Variants in LUZP2 observed in about 807,000 individuals in gnomAD.
LUZP2 encodes the protein leucine zipper protein 2.
A neutral mutation model predicts 51.6 loss-of-function variants in LUZP2; 52 were observed. The ratio of observed to expected loss-of-function variants is 1.01; its 90% CI spans 0.81 to 1.27. The LOEUF (loss-of-function observed/expected upper bound fraction) is 1.27. LUZP2 is among the 50% of genes most tolerant of loss of function. LUZP2 has a pLI of 0.00. For synonymous variants in LUZP2, 154 were observed against 137.3 expected, an observed-to-expected ratio of 1.12 and a Z score of -0.85; for missense variants, 436 against 395.4, an observed-to-expected ratio of 1.10 and a Z score of -0.87.
At chr11:24,554,497 G>T (rs1220389838) in intron 1 of LUZP2, among the ~76,000 whole-genome samples, 3 of 151,846 alleles carry the variant, frequency 2.0e-5, no homozygotes, top group Non-Finnish European at 2.9e-5. Flanking sequence ...TTAATTTTTT[G>T]CCACTTTCAA....
At chr11:25,070,866 C>A (rs997910169) in intron 10 of LUZP2, among the ~76,000 whole-genome samples, 1 of 149,368 alleles carries the variant, frequency 6.7e-6, no homozygotes, top group Non-Finnish European at 1.5e-5. Context: ...AAAAAACTTT[C>A]CTATTGCCCT....
At chr11:24,842,282 T>C (rs893624986) in intron 5 of LUZP2, among the ~76,000 whole-genome samples, 11 of 149,404 alleles carry the variant, frequency 7.4e-5, no homozygotes, top group Non-Finnish European at 1.6e-4. Context: ...ACATAATATA[T>C]AATTTATTAA....
chr11:24,758,801 A>G (rs1859868581), intron 4 of LUZP2, among the ~76,000 whole-genome samples: 1 of 152,064 alleles, frequency 6.6e-6, no homozygotes, highest in African/African-American at 2.4e-5. Context: ...TTGTTTATGC[A>G]CATATGGTGC....
chr11:24,649,716 G>A (rs1855567537), intron 1 of LUZP2, among the ~76,000 whole-genome samples: 1 of 151,896 alleles, frequency 6.6e-6, no homozygotes, highest in Admixed American at 6.6e-5. Flanking sequence ...GCCAGGTGGT[G>A]GGACTGCAAT....
chr11:24,643,384 A>G (rs1434451421), intron 1 of LUZP2, among the ~76,000 whole-genome samples: 2 of 152,108 alleles, frequency 1.3e-5, no homozygotes, highest in African/African-American at 4.8e-5. Context: ...GGATGATTTC[A>G]TGGCTGATTG....
chr11:24,891,593 A>C, intron 5 of LUZP2: 1 of 814,628 alleles, frequency 1.2e-6, no homozygotes, highest in Non-Finnish European at 1.5e-6. Flanking sequence ...GAAGTTCCAG[A>C]CTAATAAAGG....
At chr11:24,920,201 A>T (rs569455897) in intron 7 of LUZP2, among the ~76,000 whole-genome samples, 2 of 152,080 alleles carry the variant, frequency 1.3e-5, no homozygotes, top group East Asian at 1.9e-4. Context: ...ACATTTTGAT[A>T]GTTTTGTGAT....
chr11:24,788,272 C>T (rs1459796786), intron 5 of LUZP2, among the ~76,000 whole-genome samples: 1 of 145,956 alleles, frequency 6.9e-6, no homozygotes, highest in Non-Finnish European at 1.5e-5. Context: ...TCACTGCAAC[C>T]TCTGCCTCCC....
At chr11:24,899,508 T>C (rs1853207006) in intron 5 of LUZP2, among the ~76,000 whole-genome samples, 1 of 152,044 alleles carries the variant, frequency 6.6e-6, no homozygotes, top group Non-Finnish European at 1.5e-5. Flanking sequence ...GAGAAAGATA[T>C]CGCCAGACTA....
intron 6 of LUZP2, among the ~76,000 whole-genome samples, chr11:24,908,953 G>C (rs201686008): frequency 1.3e-5 from 2 of 151,456 alleles, no homozygotes; most frequent in African/African-American, 4.8e-5. Context: ...AGTAGAGACA[G>C]GGTTTCACTG....
At chr11:24,896,405 G>C (rs747100991) in intron 5 of LUZP2, among the ~76,000 whole-genome samples, 1 of 152,180 alleles carries the variant, frequency 6.6e-6, no homozygotes. Context: ...GGCGATGCCA[G>C]CTCCAGGCAG....
intron 1 of LUZP2, among the ~76,000 whole-genome samples, chr11:24,667,513 T>C (rs1432267883): frequency 6.6e-6 from 1 of 152,150 alleles, no homozygotes; most frequent in Non-Finnish European, 1.5e-5. Context: ...GATTTAAATA[T>C]GCAATTTAAA....
At chr11:24,506,496 C>T (rs899349938) in intron 1 of LUZP2, among the ~76,000 whole-genome samples, 3 of 151,956 alleles carry the variant, frequency 2.0e-5, no homozygotes, top group South Asian at 2.1e-4. Context: ...GCTCCTTCTG[C>T]GTGCACACAG....
At chr11:24,785,844 GCTGA>G in intron 5 of LUZP2, 1 of 985,012 alleles carries the variant, frequency 1.0e-6, no homozygotes, top group South Asian at 4.7e-5. Flanking sequence ...AAGAGGCTAT[GCTGA>G]CTCTGGGAAA....
chr11:24,844,714 G>T (rs1851145057), intron 5 of LUZP2, among the ~76,000 whole-genome samples: 1 of 152,234 alleles, frequency 6.6e-6, no homozygotes, highest in South Asian at 2.1e-4. Context: ...GCAGCCAAGG[G>T]ACTTAGTGTC....
intron 5 of LUZP2, among the ~76,000 whole-genome samples, chr11:24,853,739 T>A (rs1851465267): frequency 6.6e-6 from 1 of 152,158 alleles, no homozygotes; most frequent in African/African-American, 2.4e-5. Context: ...TTGCTCTGTT[T>A]TTTCCTCATC....
chr11:24,638,439 T>C (rs1351991195), intron 1 of LUZP2, among the ~76,000 whole-genome samples: 2 of 151,618 alleles, frequency 1.3e-5, no homozygotes, highest in Non-Finnish European at 2.9e-5. Flanking sequence ...CTAGGACACT[T>C]TAATTAAGAA....
At chr11:24,515,084 G>A (rs139492292) in intron 1 of LUZP2, among the ~76,000 whole-genome samples, 4 of 152,264 alleles carry the variant, frequency 2.6e-5, no homozygotes, top group Admixed American at 1.3e-4. Context: ...CCATTTCCCC[G>A]ATTTCAGGGC....
Position 25,078,929 on chromosome 11 carries a change from A to G in LUZP2, c.*271A>G, listed in dbSNP as rs758637858. 5.9e-5 allele frequency: 18 copies of G among 307,070 alleles called. No homozygotes were observed. The highest frequency in any genetic ancestry group is 8.3e-5 in the Non-Finnish European group (14 of 168,606). 19.0% of individuals were successfully genotyped at this position (307,070 alleles called of 1,614,324 possible). A position where few individuals can be genotyped will look rare whatever the true frequency, so the allele number is the denominator to read the frequency against. On this transcript the variant is annotated 3_prime_UTR_variant, in exon 12 of 12. Transcript: ENST00000336930. ...ATTGGTCTGGTTTAACTCAAATGCT[A>G]TCTAACATGTAATTCTCCCGGTTCA...
Sources: gnomAD v4.1 joint callset for allele counts (sites outside exome capture counted in the v4.1 genomes callset) on GRCh38, gnomAD v4.1.1 for gene constraint, MANE v1.5 for transcripts, NCBI Gene and HGNC (gene_info 2026-07-23, HGNC 2026-07-21) for gene names.